Variants in LZTFL1 observed in about 807,000 individuals in gnomAD.
LZTFL1 encodes leucine zipper transcription factor like 1.
In LZTFL1, 25 loss-of-function variants were observed where a neutral mutation model predicts 45.9. That is an observed-to-expected ratio of 0.54 (90% CI 0.40 to 0.76). The LOEUF is 0.76. Among genes scored for constraint, LZTFL1 ranks in the 30% least tolerant of loss-of-function variants. The probability of loss-of-function intolerance (pLI) is 0.00; values close to 1 mark genes in which losing one functional copy is unlikely to be tolerated. For synonymous variants in LZTFL1, 93 were observed against 117.4 expected (o/e 0.79, Z 1.35); for missense variants, 277 against 331.1 (o/e 0.84, Z 1.27).
At chr3:45,870,354 A>T (rs1017779668) in intron 2 of LZTFL1, among the ~76,000 whole-genome samples, 1 of 152,230 alleles carries the variant, frequency 6.6e-6, no homozygotes, top group African/African-American at 2.4e-5. Context: ...CTAAGTTATC[A>T]GTTAATCAGA....
intron 2 of LZTFL1, among the ~76,000 whole-genome samples, chr3:45,890,091 T>C (rs2125740092): frequency 6.7e-6 from 1 of 150,132 alleles, no homozygotes; most frequent in South Asian, 2.1e-4. Flanking sequence ...GTCGTTACCA[T>C]CTATTGCTAT....
intron 4 of LZTFL1, among the ~76,000 whole-genome samples, chr3:45,847,873 A>G (rs1332486495): frequency 1.3e-5 from 2 of 152,128 alleles, no homozygotes; most frequent in Admixed American, 1.3e-4. Flanking sequence ...TTTTTCCCAG[A>G]ATGGGGCATT....
At chr3:45,887,242 C>CGTGTGTGT (rs1285056620) in intron 2 of LZTFL1, among the ~76,000 whole-genome samples, 10 of 125,544 alleles carry the variant, frequency 8.0e-5, no homozygotes, top group African/African-American at 3.1e-4. Context: ...CTATTAAGTG[C>CGTGTGTGT]GTGTGTGTCT....
intron 2 of LZTFL1, among the ~76,000 whole-genome samples, chr3:45,873,959 C>T (rs1343832745): frequency 6.6e-6 from 1 of 152,176 alleles, no homozygotes; most frequent in Non-Finnish European, 1.5e-5. Flanking sequence ...CCCTTTACCT[C>T]GTTTATTCCT....
chr3:45,887,060 C>T (rs73830605), intron 2 of LZTFL1, among the ~76,000 whole-genome samples: 3,920 of 152,186 alleles, frequency 0.026, 172 homozygotes, highest in African/African-American at 0.087. Flanking sequence ...GGAAACTATG[C>T]ATCAGGAGGC....
chr3:45,881,660 A>G (rs952960075), intron 2 of LZTFL1, among the ~76,000 whole-genome samples: 11 of 152,220 alleles, frequency 7.2e-5, no homozygotes, highest in Admixed American at 7.2e-4. Context: ...AATGTGTAAA[A>G]ATACTTTTAA....
At position 45,835,701 on chromosome 3, in the gene LZTFL1, G is replaced by C. The variant is rs1166287635; in HGVS notation, c.212C>G (p.Ser71Cys). ...LQAVVHSEVE[S>C]ELINTAYTNV... ...GGTATAGGCAGTGTTGATGAGCTCA[G>C]ATTCCACCTCACTATGAACCACAGC... Residue 71 changes from serine (S) to cysteine (C), a missense_variant, in exon 3 of 10, where the codon TCT (serine) becomes TGT (cysteine). Ser to Cys is a moderately radical substitution (Grantham distance 112, BLOSUM62 -1). Transcript: ENST00000296135. 9 of 1,614,166 alleles carry C rather than the reference G, an allele frequency of 5.6e-6. No homozygotes were observed. The highest frequency in any genetic ancestry group is 7.6e-6 in the Non-Finnish European group (9 of 1,180,012).
chr3:45,893,955 A>G (rs1235003056), intron 2 of LZTFL1, among the ~76,000 whole-genome samples: 1 of 152,220 alleles, frequency 6.6e-6, no homozygotes, highest in Non-Finnish European at 1.5e-5. Context: ...TTGTTATGGA[A>G]AGGAAGCCAA....
At chr3:45,830,688 G>A (rs1163022262) in intron 7 of LZTFL1, among the ~76,000 whole-genome samples, 1 of 152,122 alleles carries the variant, frequency 6.6e-6, no homozygotes, top group African/African-American at 2.4e-5. Flanking sequence ...GCAGGTGTGT[G>A]AGCTATGTAC....
At chr3:45,892,120 G>T (rs1466465438) in intron 2 of LZTFL1, among the ~76,000 whole-genome samples, 1 of 152,134 alleles carries the variant, frequency 6.6e-6, no homozygotes, top group Admixed American at 6.5e-5. Context: ...ATTATGCTGT[G>T]TATCATTGCT....
At chr3:45,848,769 A>G (rs1373145140) in intron 4 of LZTFL1, among the ~76,000 whole-genome samples, 1 of 152,150 alleles carries the variant, frequency 6.6e-6, no homozygotes, top group Non-Finnish European at 1.5e-5. Context: ...GTTTTGATAA[A>G]TTTTATATTT....
intron 4 of LZTFL1, among the ~76,000 whole-genome samples, chr3:45,850,234 C>T (rs1308686856): frequency 6.6e-6 from 1 of 152,150 alleles, no homozygotes; most frequent in African/African-American, 2.4e-5. Flanking sequence ...CTCAAACAGC[C>T]TCATGAGATG....
At chr3:45,887,322 T>C (rs912593468) in intron 2 of LZTFL1, among the ~76,000 whole-genome samples, 3 of 152,026 alleles carry the variant, frequency 2.0e-5, no homozygotes, top group Non-Finnish European at 4.4e-5. Context: ...TCTCAGAAAC[T>C]TAACAATGGC....
At chr3:45,874,287 G>T (rs1027047511) in intron 2 of LZTFL1, among the ~76,000 whole-genome samples, 1 of 152,128 alleles carries the variant, frequency 6.6e-6, no homozygotes, top group Non-Finnish European at 1.5e-5. Context: ...GTGGCCATTT[G>T]GGGTTGTGGG....
rs898877398 is a variant in LZTFL1, at chr3:45,900,048, G to A, written c.-215+13072C>T. On this transcript the variant is annotated intron_variant, in intron 2 of 4. Transcript: ENST00000472635. This position sits in a 1 kb window ranked among gnomAD's most constrained non-coding sequence, Gnocchi z 4.7. The stretch of plus-strand genomic sequence containing the variant: ...GTGCAAGTGCATGTATTATGTGTAT[G>A]CATGTACATATGAGTGTGTGTGCTT... Among the ~76,000 whole-genome samples the A allele has an allele frequency of 1.3e-5, 2 of 152,232 alleles. No individual in the cohort carries two copies. Among genetic ancestry groups the A allele is most frequent in the African/African-American group, 4.8e-5 (2 of 41,456 alleles).
chr3:45,880,571 A>C (rs1378576941), intron 2 of LZTFL1, among the ~76,000 whole-genome samples: 1 of 152,152 alleles, frequency 6.6e-6, no homozygotes, highest in Non-Finnish European at 1.5e-5. Context: ...TACACCTGGC[A>C]TCAGGTGAAA....
intron 7 of LZTFL1, among the ~76,000 whole-genome samples, chr3:45,829,121 G>A (rs886733885): frequency 1.3e-5 from 2 of 152,094 alleles, no homozygotes; most frequent in African/African-American, 2.4e-5. Flanking sequence ...AAATTTTTAA[G>A]ATTTTAAGTT....
chr3:45,868,721 T>C (rs1701619075), intron 2 of LZTFL1, among the ~76,000 whole-genome samples: 1 of 152,184 alleles, frequency 6.6e-6, no homozygotes, highest in African/African-American at 2.4e-5. Context: ...TAGAAAATCA[T>C]AATAACAGCC....
chr3:45,890,423 G>C (rs1347604478), intron 2 of LZTFL1, among the ~76,000 whole-genome samples: 1 of 137,242 alleles, frequency 7.3e-6, no homozygotes, highest in Non-Finnish European at 1.5e-5. Context: ...TATTCCCCAA[G>C]CTGTAATAAA....
Sources: gnomAD v4.1 joint callset for allele counts (sites outside exome capture counted in the v4.1 genomes callset) on GRCh38, gnomAD v4.1.1 for gene constraint, Gnocchi (gnomAD v3.1) non-coding constraint, MANE v1.5 for transcripts, NCBI Gene and HGNC (gene_info 2026-07-23, HGNC 2026-07-21) for gene names.